The following DNAJB6 variants were observed in gnomAD, a reference collection of about 807,000 sequenced individuals.
DNAJB6 encodes dnaJ homolog subfamily B member 6.
A neutral mutation model predicts 42.7 loss-of-function variants in DNAJB6; 16 were observed. The ratio of observed to expected loss-of-function variants is 0.37; its 90% CI spans 0.25 to 0.57. The LOEUF (loss-of-function observed/expected upper bound fraction) is 0.57, where lower values mean the gene tolerates loss of function less well. DNAJB6 is among the 20% of genes least tolerant of loss of function. The pLI is 0.74. For synonymous variants in DNAJB6, 170 were observed against 163.5 expected (o/e 1.04, Z -0.30); for missense variants, 347 against 416.8 (o/e 0.83, Z 1.46).
chr7:157,409,951 A>T lies in DNAJB6; in HGVS notation c.848A>T (p.Gln283Leu), dbSNP rs761165339. ...TGTCTCTCTGAGGAGGAGGGCGAGC[A>T]GGACCGACCTCGGGCACCCGGGCCC... ...PHCLSEEEGEQDRPRAPGPWD... is the reference protein window; with the variant it reads ...PHCLSEEEGELDRPRAPGPWD... The change falls in exon 9 of 10, where the codon CAG (glutamine) becomes CTG (leucine). Residue 283 changes from glutamine (Q) to leucine (L), a missense_variant. Around this residue, in one of 3 missense-constraint regions of DNAJB6, gnomAD observed 264 missense variants for 288.0 expected, o/e 0.92. Coordinates refer to ENST00000262177, the MANE Select transcript of DNAJB6 (RefSeq NM_058246.4). 1 of 1,536,374 alleles carries T rather than the reference A, an allele frequency of 6.5e-7. No homozygotes were observed. Among genetic ancestry groups the T allele is most frequent in the South Asian group, 1.2e-5 (1 of 83,996 alleles).
intron 1 of DNAJB6, chr7:157,339,796 T>C (rs1279216517): frequency 6.6e-6 from 1 of 152,298 alleles, no homozygotes; most frequent in East Asian, 1.9e-4. Flanking sequence ...CAGCTAATTT[T>C]TTCTATTTTT....
At position 157,367,336 on chromosome 7, in the gene DNAJB6, A is replaced by G. The variant is rs746787642; in HGVS notation, c.236-37A>G. Reference sequence around the variant, plus strand: ...AGAATTCTTTGCCTACAAAGCACCAAAATTCATAAACTAAAAGCTGTGTTG... The same window carrying G: ...AGAATTCTTTGCCTACAAAGCACCAGAATTCATAAACTAAAAGCTGTGTTG... On this transcript the variant is annotated intron_variant, in intron 4 of 9. Coordinates refer to ENST00000262177, the MANE Select transcript of DNAJB6 (RefSeq NM_058246.4). 12 of 1,425,880 alleles carry G rather than the reference A, an allele frequency of 8.4e-6. No homozygotes were observed. The South Asian group carries it at 1.2e-4, about 14-fold the overall frequency. 88.3% of individuals were successfully genotyped at this position (1,425,880 alleles called of 1,614,324 possible). A position where few individuals can be genotyped will look rare whatever the true frequency, so the allele number is the denominator to read the frequency against.
chr7:157,394,087 T>A (rs1432341653), intron 8 of DNAJB6, among the ~76,000 whole-genome samples: 1 of 152,248 alleles, frequency 6.6e-6, no homozygotes, highest in Non-Finnish European at 1.5e-5. Context: ...TTTCTTCCTA[T>A]TTTGGTTAGT....
At chr7:157,410,153 C>T in intron 9 of DNAJB6, 152 bp downstream of exon 9, 2 of 1,407,106 alleles carry the variant, frequency 1.4e-6, no homozygotes, top group Non-Finnish European at 1.8e-6. Flanking sequence ...TAGCCTCGCT[C>T]TGCTCCTCTC....
At chr7:157,353,065 A>G (rs920676283) in intron 1 of DNAJB6, among the ~76,000 whole-genome samples, 1 of 152,024 alleles carries the variant, frequency 6.6e-6, no homozygotes, top group African/African-American at 2.4e-5. Flanking sequence ...AAGGTCAGGA[A>G]TTGCCCTATC....
At chr7:157,381,745 C>CT (rs1554462580) in intron 5 of DNAJB6, 1 of 148,726 alleles carries the variant, frequency 6.7e-6, no homozygotes, top group Non-Finnish European at 1.5e-5. Flanking sequence ...CACCATTCCT[C>CT]GTGTGTGTGT....
chr7:157,372,734 G>A (rs1800278110), intron 5 of DNAJB6, among the ~76,000 whole-genome samples: 1 of 152,090 alleles, frequency 6.6e-6, no homozygotes, highest in Admixed American at 6.6e-5. Flanking sequence ...ACAAACCGGG[G>A]GCTTAAACTA....
chr7:157,342,991 C>CTTTTTT (rs796741029), intron 1 of DNAJB6, among the ~76,000 whole-genome samples: 1 of 141,436 alleles, frequency 7.1e-6, no homozygotes, highest in African/African-American at 2.6e-5. Context: ...TTTGTTTTTG[C>CTTTTTT]TTTTTTTTTT....
At chr7:157,384,137 A>G (rs1012295791) in intron 6 of DNAJB6, among the ~76,000 whole-genome samples, 19 of 152,342 alleles carry the variant, frequency 1.2e-4, no homozygotes, top group African/African-American at 3.6e-4. Flanking sequence ...CAGCTTTAAT[A>G]TCGAAAAATA....
intron 1 of DNAJB6, among the ~76,000 whole-genome samples, chr7:157,348,957 G>A (rs1798831974): frequency 6.6e-6 from 1 of 152,228 alleles, no homozygotes; most frequent in Admixed American, 6.5e-5. Context: ...TTTTCATTTC[G>A]TCAGTAAAAT....
At chr7:157,375,396 G>T (rs1488469241) in intron 5 of DNAJB6, among the ~76,000 whole-genome samples, 1 of 152,204 alleles carries the variant, frequency 6.6e-6, no homozygotes, top group African/African-American at 2.4e-5. Context: ...TTTGATTGCA[G>T]TGTATTGTGG....
At chr7:157,355,637 C>T (rs1040754834) in intron 1 of DNAJB6, among the ~76,000 whole-genome samples, 2 of 152,112 alleles carry the variant, frequency 1.3e-5, no homozygotes, top group African/African-American at 2.4e-5. Flanking sequence ...TGCAGCAGGA[C>T]TGGGGGATGA....
At chr7:157,388,733 C>T (rs1314228470) in intron 8 of DNAJB6, among the ~76,000 whole-genome samples, 1 of 151,994 alleles carries the variant, frequency 6.6e-6, no homozygotes, top group African/African-American at 2.4e-5. Flanking sequence ...GTATGTTGTA[C>T]CCAAAGTGTA....
intron 8 of DNAJB6, among the ~76,000 whole-genome samples, chr7:157,405,577 T>C (rs1795735705): frequency 6.6e-6 from 1 of 152,122 alleles, no homozygotes; most frequent in Non-Finnish European, 1.5e-5. Flanking sequence ...GCCCTGAACA[T>C]GGAGAGCCAC....
At chr7:157,409,243 G>T (rs1400169794) in intron 8 of DNAJB6, among the ~76,000 whole-genome samples, 1 of 152,208 alleles carries the variant, frequency 6.6e-6, no homozygotes, top group East Asian at 1.9e-4. Context: ...TTGGGTGTGT[G>T]TGTTGTGCGG....
chr7:157,402,526 T>C (rs7782695), intron 8 of DNAJB6, among the ~76,000 whole-genome samples: 36,410 of 152,170 alleles, frequency 0.24, 6,477 homozygotes, highest in African/African-American at 0.5. Flanking sequence ...ATGCTATGCA[T>C]GGTGTCCATC....
intron 1 of DNAJB6, among the ~76,000 whole-genome samples, chr7:157,354,216 C>G (rs760899978): frequency 6.6e-6 from 1 of 152,030 alleles, no homozygotes; most frequent in Non-Finnish European, 1.5e-5. Flanking sequence ...GGTGCGATCT[C>G]GGCTCACCGC....
At chr7:157,407,513 G>T (rs1246841208) in intron 8 of DNAJB6, among the ~76,000 whole-genome samples, 1 of 152,198 alleles carries the variant, frequency 6.6e-6, no homozygotes, top group Non-Finnish European at 1.5e-5. Context: ...GGCAGGAACG[G>T]GCTTAGCACC....
intron 8 of DNAJB6, among the ~76,000 whole-genome samples, chr7:157,389,818 T>C (rs10256102): frequency 0.44 from 67,276 of 152,114 alleles, 15,271 homozygotes; most frequent in African/African-American, 0.55. Context: ...AGGCCTGTCC[T>C]GGCTTCTGTG....
Sources: gnomAD v4.1 joint callset for allele counts (sites outside exome capture counted in the v4.1 genomes callset) on GRCh38, gnomAD v4.1.1 for gene constraint, gnomAD v4.1.1 regional missense constraint, MANE v1.5 for transcripts, NCBI Gene and HGNC (gene_info 2026-07-23, HGNC 2026-07-21) for gene names.